PDZD2: variants seen among roughly 807,000 people sequenced by gnomAD.
PDZD2 encodes the protein PDZ domain containing 2.
Under a neutral mutation model 220.7 loss-of-function variants are expected in PDZD2, and 90 were observed. That is an observed-to-expected ratio of 0.41 (90% CI 0.34 to 0.49). The LOEUF is 0.49. Ranked by LOEUF, PDZD2 falls within the 20% of genes least tolerant of loss-of-function variation. The probability of loss-of-function intolerance (pLI) is 0.28; values close to 1 mark genes in which losing one functional copy is unlikely to be tolerated. For synonymous variants in PDZD2, 1,375 were observed against 1,450.5 expected (o/e 0.95, Z 1.18); for missense variants, 3,174 against 3,608.5 (o/e 0.88, Z 3.08).
chr5:31,868,838 G>A (rs755235918), intron 2 of PDZD2, among the ~76,000 whole-genome samples: 15 of 152,220 alleles, frequency 9.9e-5, no homozygotes, highest in Admixed American at 2.6e-4. Context: ...GTGGCACGAT[G>A]TCAGCTCACT....
At chr5:31,839,428 A>C (rs1406969141) in intron 2 of PDZD2, among the ~76,000 whole-genome samples, 1 of 152,256 alleles carries the variant, frequency 6.6e-6, no homozygotes, top group African/African-American at 2.4e-5. Flanking sequence ...CATTGGTGTT[A>C]TTATAGAATA....
intron 2 of PDZD2, among the ~76,000 whole-genome samples, chr5:31,917,391 T>C (rs576733020): frequency 5.3e-5 from 8 of 152,182 alleles, no homozygotes; most frequent in Non-Finnish European, 7.4e-5. Flanking sequence ...GAACTTACCC[T>C]GCCATGGGTG....
chr5:31,702,331 T>C (rs1235602374), intron 1 of PDZD2, among the ~76,000 whole-genome samples: 1 of 152,220 alleles, frequency 6.6e-6, no homozygotes, highest in African/African-American at 2.4e-5. Flanking sequence ...TAAACTACTA[T>C]AGCTGTTAAG....
intron 2 of PDZD2, among the ~76,000 whole-genome samples, chr5:31,803,806 T>G (rs1580788625): frequency 6.6e-6 from 1 of 152,078 alleles, no homozygotes; most frequent in African/African-American, 2.4e-5. Context: ...GAGGCCGAGA[T>G]GGCAAGATTG....
intron 18 of PDZD2, among the ~76,000 whole-genome samples, chr5:32,076,933 A>G (rs1741358954): frequency 1.3e-5 from 2 of 152,264 alleles, no homozygotes; most frequent in South Asian, 4.1e-4. Flanking sequence ...CACAATGGAT[A>G]AATTTCACAT....
intron 21 of PDZD2, among the ~76,000 whole-genome samples, chr5:32,093,480 G>A (rs1192420068): frequency 6.6e-6 from 1 of 152,142 alleles, no homozygotes; most frequent in Admixed American, 6.6e-5. Context: ...AACAACATGA[G>A]GGTTGGGGCA....
In PDZD2 at chr5:31,920,431, T is replaced by C. The variant is rs184650526; in HGVS notation, c.477-62724T>C. ...GGGGTGGTGCATTTGTTAAAATTGA[T>C]GAACCTCCATTGACATCTTATAATC... On this transcript the variant is annotated intron_variant, in intron 2 of 24. Coordinates refer to ENST00000438447, the MANE Select transcript of PDZD2 (RefSeq NM_178140.4). Among the ~76,000 whole-genome samples the C allele has an allele frequency of 7.1e-3, 1,063 of 150,706 alleles. 22 individuals are homozygous for C. The highest frequency in any genetic ancestry group is 0.014 in the Middle Eastern group (4 of 294).
chr5:31,829,706 A>C (rs998513742), intron 2 of PDZD2, among the ~76,000 whole-genome samples: 5 of 152,106 alleles, frequency 3.3e-5, no homozygotes, highest in African/African-American at 1.2e-4. Flanking sequence ...ACCTCTTACC[A>C]GTTACTAACC....
At position 31,831,367 on chromosome 5, in the gene PDZD2, G is replaced by A. The variant is rs542802684; in HGVS notation, c.476+31643G>A. ...GCAGTGGTTCACACCTGTAATCCCA[G>A]CACTTTGGGAGGCCGAGGCGGGTGG... On this transcript the variant is annotated intron_variant, in intron 2 of 24. Coordinates refer to ENST00000438447, the MANE Select transcript of PDZD2 (RefSeq NM_178140.4). Among the ~76,000 whole-genome samples the A allele has an allele frequency of 8.3e-4, 126 of 152,162 alleles. 1 individual carries two copies. The highest frequency in any genetic ancestry group is 1.6e-3 in the Non-Finnish European group (107 of 68,020).
chr5:31,776,626 TTTTATTTATTTATTTA>T lies in PDZD2; in HGVS notation c.-360-22239_-360-22224del, dbSNP rs150070722. On this transcript the variant is annotated intron_variant, in intron 1 of 24. Transcript: ENST00000438447. ...CCACCACGCCTGGCCTTATTTTTTA[TTTTATTTATTTATTTA>T]TTTATTTATTTATTTATTTATTTTG... 3.5e-4 allele frequency among the ~76,000 whole-genome samples: 50 copies of T among 141,110 alleles called. 1 individual carries two copies. The East Asian group carries it at 8.9e-3, about 25-fold the overall frequency. The allele number at this position is 141,110 out of a possible 152,430, so 92.6% of individuals were successfully genotyped here.
At chr5:31,900,059 A>G (rs181830349) in intron 2 of PDZD2, among the ~76,000 whole-genome samples, 1 of 152,348 alleles carries the variant, frequency 6.6e-6, no homozygotes, top group East Asian at 1.9e-4. Flanking sequence ...ATGCATATAG[A>G]GGCGCTGACA....
intron 2 of PDZD2, chr5:31,855,297 A>G (rs764822422): frequency 5.1e-5 from 9 of 174,836 alleles, no homozygotes; most frequent in Non-Finnish European, 1.0e-4. Context: ...CGGCCACCTA[A>G]GCGTCTGCCC....
chr5:32,106,911 A>G (rs920911011), intron 24 of PDZD2, among the ~76,000 whole-genome samples: 17 of 152,330 alleles, frequency 1.1e-4, no homozygotes, highest in African/African-American at 4.1e-4. Context: ...AACTGCCTCT[A>G]TCATTTACCA....
chr5:31,812,844 G>T (rs1299599274), intron 2 of PDZD2, among the ~76,000 whole-genome samples: 1 of 152,142 alleles, frequency 6.6e-6, no homozygotes, highest in African/African-American at 2.4e-5. Context: ...GCCTCCCGAA[G>T]TGCTGGTATT....
intron 19 of PDZD2, among the ~76,000 whole-genome samples, chr5:32,082,402 TCCAAAATGAC>T: frequency 1.3e-5 from 2 of 151,742 alleles, no homozygotes; most frequent in Admixed American, 1.3e-4. Flanking sequence ...TAAAAAAAAA[TCCAAAATGAC>T]CCGTACACTG....
chr5:31,813,374 C>T (rs1209767508), intron 2 of PDZD2, among the ~76,000 whole-genome samples: 1 of 138,054 alleles, frequency 7.2e-6, no homozygotes. Flanking sequence ...GGCGTGAACC[C>T]GGGAGGTGGA....
intron 1 of PDZD2, among the ~76,000 whole-genome samples, chr5:31,665,721 C>T (rs1431717153): frequency 1.4e-5 from 2 of 143,560 alleles, no homozygotes; most frequent in Non-Finnish European, 3.0e-5. Flanking sequence ...TGTAAGTTTC[C>T]TGAGGCCTTC....
chr5:31,783,554 G>A (rs1477296282), intron 1 of PDZD2, among the ~76,000 whole-genome samples: 2 of 152,224 alleles, frequency 1.3e-5, no homozygotes, highest in Admixed American at 1.3e-4. Flanking sequence ...ATCACAAAGA[G>A]ATTGATACTG....
At chr5:31,722,149 A>G (rs949081270) in intron 1 of PDZD2, among the ~76,000 whole-genome samples, 6 of 152,192 alleles carry the variant, frequency 3.9e-5, no homozygotes, top group Non-Finnish European at 8.8e-5. Context: ...ACTGTAGCCA[A>G]ATATTTCACA....
Sources: gnomAD v4.1 joint callset for allele counts (sites outside exome capture counted in the v4.1 genomes callset) on GRCh38, gnomAD v4.1.1 for gene constraint, MANE v1.5 for transcripts, NCBI Gene and HGNC (gene_info 2026-07-23, HGNC 2026-07-21) for gene names.